PAPPA2: variants seen among roughly 807,000 people sequenced by gnomAD.
PAPPA2 encodes pappalysin 2.
PAPPA2 carries 86 observed loss-of-function variants against 176.4 expected under a neutral mutation model. The observed-to-expected ratio is 0.49, with a 90% CI of 0.41 to 0.58. The LOEUF is 0.58. Among genes scored for constraint, PAPPA2 ranks in the 20% least tolerant of loss-of-function variants. PAPPA2 has a pLI of 0.00. For missense variants in PAPPA2, 2,073 were observed against 2,256.9 expected, an observed-to-expected ratio of 0.92 and a Z score of 1.65; for synonymous variants, 809 against 852.2, an observed-to-expected ratio of 0.95 and a Z score of 0.88.
At chr1:176,615,776 A>G (rs770293136) in intron 3 of PAPPA2, among the ~76,000 whole-genome samples, 7 of 152,222 alleles carry the variant, frequency 4.6e-5, no homozygotes, top group Admixed American at 3.3e-4. Flanking sequence ...TGAGCAGACA[A>G]ATCACCATGT....
At chr1:176,469,153 G>C (rs1264070258) in intron 1 of PAPPA2, among the ~76,000 whole-genome samples, 2 of 152,126 alleles carry the variant, frequency 1.3e-5, no homozygotes, top group Non-Finnish European at 2.9e-5. Flanking sequence ...AACATTTTTT[G>C]CTGCTTCAAT....
intron 14 of PAPPA2, among the ~76,000 whole-genome samples, chr1:176,751,238 C>T (rs550393452): frequency 6.6e-6 from 1 of 152,126 alleles, no homozygotes; most frequent in African/African-American, 2.4e-5. Context: ...GTTTTGGTTA[C>T]TGTAGCCTTG....
intron 17 of PAPPA2, among the ~76,000 whole-genome samples, chr1:176,789,566 A>T (rs1303788917): frequency 6.6e-6 from 1 of 152,312 alleles, no homozygotes; most frequent in East Asian, 1.9e-4. Flanking sequence ...AATAAAATTT[A>T]AAAAAAGAGT....
intron 1 of PAPPA2, among the ~76,000 whole-genome samples, chr1:176,551,964 A>G (rs1378861434): frequency 6.6e-6 from 1 of 152,134 alleles, no homozygotes; most frequent in Non-Finnish European, 1.5e-5. Flanking sequence ...GTTCCCTTAA[A>G]GAGACAATGT....
intron 4 of PAPPA2, 148 bp downstream of exon 4, chr1:176,671,263 G>A: frequency 9.5e-7 from 1 of 1,056,524 alleles, no homozygotes; most frequent in Non-Finnish European, 1.3e-6. Flanking sequence ...ATGGCACTTA[G>A]TAGAGCCTGT....
At chr1:176,623,556 CCCCT>C (rs1655714639) in intron 3 of PAPPA2, among the ~76,000 whole-genome samples, 1 of 147,120 alleles carries the variant, frequency 6.8e-6, no homozygotes, top group Non-Finnish European at 1.5e-5. Context: ...GCTGCATTTT[CCCCT>C]TCCTTCCTTC....
At chr1:176,600,569 G>C (rs1156497412) in intron 3 of PAPPA2, among the ~76,000 whole-genome samples, 2 of 150,982 alleles carry the variant, frequency 1.3e-5, no homozygotes, top group South Asian at 2.1e-4. Flanking sequence ...CCAGCTACTC[G>C]GGAGGCTGAG....
chr1:176,575,746 T>A (rs1352680488), intron 2 of PAPPA2, among the ~76,000 whole-genome samples: 1 of 152,244 alleles, frequency 6.6e-6, no homozygotes, highest in Non-Finnish European at 1.5e-5. Flanking sequence ...ATGAGGTAGA[T>A]ATATCATTAG....
intron 1 of PAPPA2, among the ~76,000 whole-genome samples, chr1:176,499,961 A>G (rs749280752): frequency 2.0e-5 from 3 of 152,186 alleles, no homozygotes; most frequent in African/African-American, 4.8e-5. Context: ...TGTTCTTTCA[A>G]TAATAAATGA....
intron 3 of PAPPA2, among the ~76,000 whole-genome samples, chr1:176,597,401 C>A (rs1654045192): frequency 1.3e-5 from 2 of 152,112 alleles, no homozygotes; most frequent in African/African-American, 4.8e-5. Context: ...TGACAGATAG[C>A]AAGCTTTTAT....
intron 5 of PAPPA2, 61 bp from the exon 6 acceptor site, chr1:176,692,065 C>T: frequency 6.8e-7 from 1 of 1,479,916 alleles, no homozygotes; most frequent in South Asian, 1.2e-5. Flanking sequence ...TTTATCCCTG[C>T]CTTGGTGGAC....
chr1:176,508,901 G>A (rs1017560420), intron 1 of PAPPA2, among the ~76,000 whole-genome samples: 1 of 152,128 alleles, frequency 6.6e-6, no homozygotes, highest in Admixed American at 6.6e-5. Flanking sequence ...CAGCCATGTG[G>A]AACTGTGAAT....
intron 3 of PAPPA2, among the ~76,000 whole-genome samples, chr1:176,598,233 C>T (rs1654088856): frequency 6.6e-6 from 1 of 152,150 alleles, no homozygotes; most frequent in Admixed American, 6.6e-5. Context: ...TCTGTCCTTG[C>T]TCTGCACAGG....
intron 12 of PAPPA2, among the ~76,000 whole-genome samples, chr1:176,734,642 A>G (rs572440062): frequency 2.0e-4 from 31 of 152,194 alleles, no homozygotes; most frequent in Admixed American, 1.9e-3. Context: ...TTAGATTTGG[A>G]TTTCAGGTAA....
chr1:176,798,510 T>C (rs959482996), intron 20 of PAPPA2, among the ~76,000 whole-genome samples: 9 of 152,208 alleles, frequency 5.9e-5, no homozygotes, highest in African/African-American at 2.2e-4. Flanking sequence ...GAACAAATTG[T>C]ATTTTGCCAT....
intron 4 of PAPPA2, among the ~76,000 whole-genome samples, chr1:176,679,140 A>G (rs1290202318): frequency 6.6e-6 from 1 of 152,006 alleles, no homozygotes; most frequent in African/African-American, 2.4e-5. Flanking sequence ...ATTTTCTCAT[A>G]CTCCTCTGAC....
intron 3 of PAPPA2, among the ~76,000 whole-genome samples, chr1:176,668,752 A>G (rs2102770116): frequency 6.6e-6 from 1 of 151,858 alleles, no homozygotes; most frequent in South Asian, 2.1e-4. Flanking sequence ...TCAATTAATG[A>G]CTCTTTCTAG....
chr1:176,572,547 G>C (rs1652414088), intron 2 of PAPPA2, among the ~76,000 whole-genome samples: 1 of 152,156 alleles, frequency 6.6e-6, no homozygotes, highest in African/African-American at 2.4e-5. Context: ...TCCCTGGGTT[G>C]CCTGACATCA....
At chr1:176,665,271 G>A (rs950950082) in intron 3 of PAPPA2, among the ~76,000 whole-genome samples, 1 of 152,100 alleles carries the variant, frequency 6.6e-6, no homozygotes, top group East Asian at 1.9e-4. Flanking sequence ...CTCCAGAAGG[G>A]TGTGCCTTTA....
Sources: gnomAD v4.1 joint callset for allele counts (sites outside exome capture counted in the v4.1 genomes callset) on GRCh38, gnomAD v4.1.1 for gene constraint, MANE v1.5 for transcripts, NCBI Gene and HGNC (gene_info 2026-07-23, HGNC 2026-07-21) for gene names.